Variants in TAMM41 observed in about 807,000 individuals in gnomAD.
The protein encoded by TAMM41 is TAM41 mitochondrial translocator assembly and maintenance homolog, also known as phosphatidate cytidylyltransferase, mitochondrial.
TAMM41 carries 36 observed loss-of-function variants against 44.1 expected under a neutral mutation model. The observed-to-expected ratio is 0.82, with a 90% CI of 0.63 to 1.08. The LOEUF is 1.08. Ranked by LOEUF, TAMM41 falls within the 50% of genes least tolerant of loss-of-function variation. TAMM41 has a pLI of 0.00. For missense variants in TAMM41, 417 were observed against 404.3 expected (o/e 1.03, Z -0.27); for synonymous variants, 164 against 153.1 (o/e 1.07, Z -0.53).
intron 2 of TAMM41, 114 bp downstream of exon 2, chr3:11,843,915 G>C (rs188983608): frequency 9.3e-7 from 1 of 1,069,784 alleles, no homozygotes; most frequent in Admixed American, 2.3e-5. Context: ...CTATAACAAC[G>C]TCCAGCAGGA....
At chr3:11,818,222 G>C (rs1290234036) in intron 4 of TAMM41, among the ~76,000 whole-genome samples, 2 of 152,174 alleles carry the variant, frequency 1.3e-5, no homozygotes, top group African/African-American at 4.8e-5. Context: ...AGTGTAGGCA[G>C]ATAACCCAGC....
At chr3:11,794,666 T>G (rs1267412269) in intron 7 of TAMM41, among the ~76,000 whole-genome samples, 2 of 152,226 alleles carry the variant, frequency 1.3e-5, no homozygotes, top group Non-Finnish European at 2.9e-5. Context: ...GTTTCTCTTC[T>G]GATTTCCAGC....
chr3:11,789,729 G>A (rs1289169434), downstream of TAMM41, among the ~76,000 whole-genome samples: 2 of 152,190 alleles, frequency 1.3e-5, no homozygotes, highest in East Asian at 3.8e-4. Flanking sequence ...TTTTCTAAGA[G>A]GCCATCTGAA....
At chr3:11,741,216 CAAAAAAAA>C in the TAMM41 span, among the ~76,000 whole-genome samples, 3 of 61,834 alleles carry the variant, frequency 4.9e-5, no homozygotes, top group Non-Finnish European at 8.2e-5. Context: ...GACACCGTCT[CAAAAAAAA>C]AAAAAAAAAA....
chr3:11,816,638 C>A (rs1225872638), intron 5 of TAMM41, among the ~76,000 whole-genome samples: 1 of 152,110 alleles, frequency 6.6e-6, no homozygotes, highest in Non-Finnish European at 1.5e-5. Flanking sequence ...TGGTGGCATG[C>A]ACCTGTAGTC....
At chr3:11,802,943 C>A (rs773044158) in intron 7 of TAMM41, among the ~76,000 whole-genome samples, 7 of 152,238 alleles carry the variant, frequency 4.6e-5, no homozygotes, top group Admixed American at 2.0e-4. Context: ...GAATTAAGGA[C>A]AAAAACCACA....
chr3:11,835,827 C>T (rs911964278), intron 3 of TAMM41, among the ~76,000 whole-genome samples: 1 of 152,168 alleles, frequency 6.6e-6, no homozygotes, highest in African/African-American at 2.4e-5. Context: ...CGCCATCAGA[C>T]TCATCTACAG....
chr3:11,766,260 G>A, the TAMM41 span, among the ~76,000 whole-genome samples: 1 of 151,704 alleles, frequency 6.6e-6, no homozygotes, highest in Non-Finnish European at 1.5e-5. Context: ...AACCTCCCAG[G>A]CTCAGGTGAT....
the TAMM41 span, among the ~76,000 whole-genome samples, chr3:11,736,229 G>A: frequency 1.3e-5 from 2 of 152,176 alleles, no homozygotes; most frequent in East Asian, 3.9e-4. Flanking sequence ...TCGTGCAGCA[G>A]TTTTCTTCAC....
At chr3:11,837,246 T>C (rs1403016836) in intron 3 of TAMM41, among the ~76,000 whole-genome samples, 1 of 152,146 alleles carries the variant, frequency 6.6e-6, no homozygotes, top group Non-Finnish European at 1.5e-5. Context: ...GGGGAGACAC[T>C]CGAGAACAAT....
chr3:11,777,502 C>T, the TAMM41 span, among the ~76,000 whole-genome samples: 2 of 152,114 alleles, frequency 1.3e-5, no homozygotes, highest in South Asian at 4.1e-4. Flanking sequence ...TTAAAGTGTA[C>T]AGTTCAGCAG....
the TAMM41 span, among the ~76,000 whole-genome samples, chr3:11,744,033 C>A: frequency 6.6e-6 from 1 of 152,092 alleles, no homozygotes; most frequent in Admixed American, 6.6e-5. Flanking sequence ...GCACTACAGT[C>A]CCCTCATCTA....
At chr3:11,749,710 G>A in the TAMM41 span, among the ~76,000 whole-genome samples, 1 of 152,110 alleles carries the variant, frequency 6.6e-6, no homozygotes, top group Non-Finnish European at 1.5e-5. Flanking sequence ...GAAGCGGAAG[G>A]GAGGGCTCAT....
rs116848229 is a variant in TAMM41, at chr3:11,815,962, G to A, written c.708+1230C>T. On this transcript the variant is annotated intron_variant, in intron 5 of 7. Coordinates refer to ENST00000455809, the MANE Select transcript of TAMM41 (RefSeq NM_001284401.2). ...AGGTATCATTTGGCTTTTAAATCAT[G>A]TACATGCATAAAACAAAAAACCTCA... Among the ~76,000 whole-genome samples the A allele has an allele frequency of 5.8e-3, 883 of 152,322 alleles. 35 individuals are homozygous for A. In the South Asian group the frequency reaches 0.087, roughly 15 times the overall value.
chr3:11,764,483 A>ATTTTTTTTTTTTT, the TAMM41 span, among the ~76,000 whole-genome samples: 3 of 86,330 alleles, frequency 3.5e-5, no homozygotes, highest in East Asian at 3.8e-4. Flanking sequence ...CCATAATCTT[A>ATTTTTTTTTTTTT]TTCTTTTTTT....
At chr3:11,821,355 G>A (rs2125001648) in intron 4 of TAMM41, among the ~76,000 whole-genome samples, 1 of 152,344 alleles carries the variant, frequency 6.6e-6, no homozygotes, top group Middle Eastern at 3.4e-3. Context: ...GGTGATGGGA[G>A]ACAGTGACAG....
chr3:11,822,270 G>A (rs1488967571), intron 4 of TAMM41, among the ~76,000 whole-genome samples: 1 of 152,104 alleles, frequency 6.6e-6, no homozygotes, highest in African/African-American at 2.4e-5. Flanking sequence ...TATTGATATG[G>A]CAAAATAATA....
chr3:11,752,967 A>G, the TAMM41 span, among the ~76,000 whole-genome samples: 4 of 152,002 alleles, frequency 2.6e-5, no homozygotes, highest in Admixed American at 1.3e-4. Flanking sequence ...TATGAAGCTT[A>G]TATCACAGTG....
At chr3:11,804,279 G>C (rs2077836858) in intron 7 of TAMM41, among the ~76,000 whole-genome samples, 1 of 152,120 alleles carries the variant, frequency 6.6e-6, no homozygotes, top group Admixed American at 6.5e-5. Flanking sequence ...TTTTATTAGA[G>C]AAAAATTCAA....
Sources: gnomAD v4.1 joint callset for allele counts (sites outside exome capture counted in the v4.1 genomes callset) on GRCh38, gnomAD v4.1.1 for gene constraint, MANE v1.5 for transcripts, NCBI Gene and HGNC (gene_info 2026-07-23, HGNC 2026-07-21) for gene names.